Variants in SHISA9 observed in about 807,000 individuals in gnomAD.
SHISA9 encodes shisa family member 9.
In SHISA9, 13 loss-of-function variants were observed where a neutral mutation model predicts 38.0. The observed-to-expected ratio is 0.34, with a 90% CI of 0.22 to 0.54. The LOEUF (loss-of-function observed/expected upper bound fraction) is 0.54, where lower values mean the gene tolerates loss of function less well. Among genes scored for constraint, SHISA9 ranks in the 20% least tolerant of loss-of-function variants. The pLI is 0.91. For synonymous variants in SHISA9, 275 were observed against 242.0 expected (o/e 1.14, Z -1.27); for missense variants, 538 against 575.8 (o/e 0.93, Z 0.67).
At chr16:13,081,132 T>C (rs276603) in intron 2 of SHISA9, among the ~76,000 whole-genome samples, 30,466 of 152,184 alleles carry the variant, frequency 0.2, 5,646 homozygotes, top group African/African-American at 0.48. Flanking sequence ...GATGGAGAAT[T>C]GGGGTTTTCA....
the SHISA9 span, among the ~76,000 whole-genome samples, chr16:13,435,483 G>T: frequency 3.9e-5 from 6 of 152,182 alleles, no homozygotes; most frequent in Admixed American, 2.6e-4. Context: ...TCCAGTGGGG[G>T]TTTTTGTTTT....
the SHISA9 span, among the ~76,000 whole-genome samples, chr16:13,321,903 G>T: frequency 6.6e-6 from 1 of 152,160 alleles, no homozygotes; most frequent in African/African-American, 2.4e-5. Context: ...TAGGAATTAT[G>T]TCTTATGGAT....
At chr16:12,940,062 C>A (rs2141755966) in intron 2 of SHISA9, among the ~76,000 whole-genome samples, 1 of 152,318 alleles carries the variant, frequency 6.6e-6, no homozygotes, top group Non-Finnish European at 1.5e-5. Flanking sequence ...CCAAGGGTCA[C>A]ATTTTAATGG....
intron 1 of SHISA9, among the ~76,000 whole-genome samples, chr16:12,908,133 C>CTGCTCAGCAAA (rs2071128163): frequency 5.6e-5 from 1 of 18,012 alleles, no homozygotes; most frequent in Admixed American, 7.8e-4. Context: ...CCTGTCACAA[C>CTGCTCAGCAAA]TATTACCCTT....
At chr16:12,984,920 T>A (rs1230192989) in intron 2 of SHISA9, among the ~76,000 whole-genome samples, 1 of 152,160 alleles carries the variant, frequency 6.6e-6, no homozygotes, top group African/African-American at 2.4e-5. Context: ...GAACAAACTC[T>A]GAAGCCTAAT....
rs569482339 is a variant in SHISA9, at chr16:12,948,355, G to A, written c.691+31540G>A. On this transcript the variant is annotated intron_variant, in intron 2 of 4. Transcript: ENST00000558583. ...AGTAAAGGAGGACTTACTCACCCTG[G>A]AAAAACTGGAAAATACAGAATGGTA... Among the ~76,000 whole-genome samples, 355 of 152,234 alleles carry A rather than the reference G, an allele frequency of 2.3e-3. 2 individuals carry two copies. Among genetic ancestry groups the A allele is most frequent in the African/African-American group, 8.2e-3 (339 of 41,546 alleles).
At chr16:13,505,767 T>C in the SHISA9 span, among the ~76,000 whole-genome samples, 1 of 152,348 alleles carries the variant, frequency 6.6e-6, no homozygotes, top group South Asian at 2.1e-4. Flanking sequence ...GTGAGATGAC[T>C]GTGATTGTTA....
the SHISA9 span, among the ~76,000 whole-genome samples, chr16:13,370,084 T>C: frequency 6.6e-6 from 1 of 152,100 alleles, no homozygotes; most frequent in Non-Finnish European, 1.5e-5. Flanking sequence ...AAAAATAAAA[T>C]ACATAGAGTT....
intron 2 of SHISA9, among the ~76,000 whole-genome samples, chr16:13,080,084 C>T (rs1467731169): frequency 6.6e-6 from 1 of 152,008 alleles, no homozygotes; most frequent in African/African-American, 2.4e-5. Context: ...GTAAACACAC[C>T]ACCACTCAGC....
the SHISA9 span, among the ~76,000 whole-genome samples, chr16:13,561,955 G>A: frequency 5.3e-5 from 8 of 152,106 alleles, no homozygotes; most frequent in African/African-American, 1.9e-4. Flanking sequence ...GTGGATCCAG[G>A]GGCATCATTG....
chr16:13,457,220 C>T, the SHISA9 span, among the ~76,000 whole-genome samples: 1 of 152,174 alleles, frequency 6.6e-6, no homozygotes, highest in Admixed American at 6.5e-5. Context: ...GCAGGAAAGT[C>T]GTTTGAACCC....
chr16:13,245,789 G>A, the SHISA9 span, among the ~76,000 whole-genome samples: 1 of 152,166 alleles, frequency 6.6e-6, no homozygotes, highest in Non-Finnish European at 1.5e-5. Context: ...TCCCTGGAAT[G>A]AGGCTAGACC....
the SHISA9 span, among the ~76,000 whole-genome samples, chr16:13,489,807 A>G: frequency 0.27 from 40,557 of 152,158 alleles, 5,811 homozygotes; most frequent in South Asian, 0.43. Flanking sequence ...TATTATCTTC[A>G]TTACATAAAT....
the SHISA9 span, among the ~76,000 whole-genome samples, chr16:13,407,289 A>G: frequency 0.013 from 1,956 of 152,108 alleles, 50 homozygotes; most frequent in African/African-American, 0.044. Flanking sequence ...CTCTGGCTGT[A>G]TCCTCATGTG....
chr16:13,469,631 C>A, the SHISA9 span, among the ~76,000 whole-genome samples: 3 of 152,146 alleles, frequency 2.0e-5, no homozygotes, highest in Non-Finnish European at 2.9e-5. Flanking sequence ...GCTTCTTTGC[C>A]CCTTGGAGAC....
intron 2 of SHISA9, among the ~76,000 whole-genome samples, chr16:13,126,863 G>T (rs983983200): frequency 7.7e-6 from 1 of 129,574 alleles, no homozygotes; most frequent in Non-Finnish European, 1.6e-5. Flanking sequence ...GAAAGAGAGA[G>T]CTGAGGGAAG....
At chr16:13,427,289 A>G in the SHISA9 span, among the ~76,000 whole-genome samples, 93 of 152,362 alleles carry the variant, frequency 6.1e-4, no homozygotes, top group Middle Eastern at 3.4e-3. Flanking sequence ...CTTTTATAAA[A>G]GAGGAAAGAG....
the SHISA9 span, among the ~76,000 whole-genome samples, chr16:13,268,599 A>C: frequency 6.6e-6 from 1 of 152,154 alleles, no homozygotes; most frequent in Non-Finnish European, 1.5e-5. Context: ...TGTAGAGGAA[A>C]TGGGGAACAT....
chr16:13,207,583 C>G (rs553434562), intron 3 of SHISA9, among the ~76,000 whole-genome samples: 1 of 151,846 alleles, frequency 6.6e-6, no homozygotes, highest in Non-Finnish European at 1.5e-5. Context: ...TGATGTACCC[C>G]CTCCTGTTCT....
Sources: gnomAD v4.1 joint callset for allele counts (sites outside exome capture counted in the v4.1 genomes callset) on GRCh38, gnomAD v4.1.1 for gene constraint, MANE v1.5 for transcripts, NCBI Gene and HGNC (gene_info 2026-07-23, HGNC 2026-07-21) for gene names.